The following DTNB variants were observed in gnomAD, a reference collection of about 807,000 sequenced individuals.
DTNB encodes DTN-B.
In DTNB, 63 loss-of-function variants were observed where a neutral mutation model predicts 90.7. That is an observed-to-expected ratio of 0.69 (90% CI 0.57 to 0.86). The LOEUF is 0.86. Ranked by LOEUF, DTNB falls within the 40% of genes least tolerant of loss-of-function variation. The pLI, the probability that DTNB is intolerant of heterozygous loss-of-function variation, is 0.00. For synonymous variants in DTNB, 277 were observed against 286.7 expected (o/e 0.97, Z 0.34); for missense variants, 744 against 807.1 (o/e 0.92, Z 0.95).
intron 16 of DTNB, among the ~76,000 whole-genome samples, chr2:25,401,143 A>G (rs2149646674): frequency 6.6e-6 from 1 of 152,232 alleles, no homozygotes; most frequent in South Asian, 2.1e-4. Flanking sequence ...GGGTCTGCTA[A>G]TTGCCTCAAA....
intron 8 of DTNB, among the ~76,000 whole-genome samples, chr2:25,538,528 T>C (rs2080372768): frequency 6.6e-6 from 1 of 152,214 alleles, no homozygotes; most frequent in African/African-American, 2.4e-5. Flanking sequence ...CTCGGCTCAC[T>C]GCATCCTCTG....
chr2:25,598,897 G>A (rs1470191985), intron 5 of DTNB: 2 of 152,054 alleles, frequency 1.3e-5, no homozygotes, highest in African/African-American at 2.4e-5. Flanking sequence ...AATAGGAAGA[G>A]TATTTCTGTT....
At chr2:25,516,472 C>T (rs1193830011) in intron 9 of DTNB, among the ~76,000 whole-genome samples, 3 of 151,928 alleles carry the variant, frequency 2.0e-5, no homozygotes, top group Non-Finnish European at 4.4e-5. Flanking sequence ...ATGTTGGTCT[C>T]GAACTCCTGG....
At chr2:25,645,688 G>A (rs2079290890) in intron 2 of DTNB, among the ~76,000 whole-genome samples, 1 of 151,950 alleles carries the variant, frequency 6.6e-6, no homozygotes, top group African/African-American at 2.4e-5. Context: ...CAATCCACCT[G>A]CCTCAGCCTC....
intron 3 of DTNB, among the ~76,000 whole-genome samples, chr2:25,629,501 A>G (rs921158578): frequency 2.0e-5 from 3 of 152,224 alleles, no homozygotes; most frequent in African/African-American, 7.2e-5. Flanking sequence ...CAATTTTTTA[A>G]ATAACCAAAT....
At chr2:25,597,468 GAATTT>G (rs565135990) in intron 5 of DTNB, among the ~76,000 whole-genome samples, 5 of 152,110 alleles carry the variant, frequency 3.3e-5, no homozygotes, top group Non-Finnish European at 7.4e-5. Context: ...CAATTTTGGG[GAATTT>G]ATACTGAAGC....
chr2:25,639,050 C>A lies in DTNB; in HGVS notation c.112G>T (p.Ala38Ser), dbSNP rs1404901488. 1 of 1,593,856 alleles carries A rather than the reference C, an allele frequency of 6.3e-7. No individual in the cohort carries two copies. Among genetic ancestry groups the A allele is most frequent in the Non-Finnish European group, 8.6e-7 (1 of 1,167,784 alleles). ...TTTTGTACAAATCGTAATTTGCAGG[C>A]TGTTCTGTAAGTTGATAGTCGTATG... Reference protein sequence around the residue: ...DVIRLSTYRTACKLRFVQKRC... With the variant: ...DVIRLSTYRTSCKLRFVQKRC... The change falls in exon 3 of 21, where the codon GCC (alanine) becomes TCC (serine). Residue 38 changes from alanine to serine, a missense_variant. Physicochemically the swap from Ala to Ser is moderately conservative, Grantham distance 99. Transcript: ENST00000406818.
At chr2:25,582,083 A>G (rs2061633363) in intron 6 of DTNB, among the ~76,000 whole-genome samples, 1 of 152,254 alleles carries the variant, frequency 6.6e-6, no homozygotes, top group South Asian at 2.1e-4. Flanking sequence ...AAATGTTTAA[A>G]TCATTTATTT....
chr2:25,383,769 G>T (rs1390426392), intron 19 of DTNB, 67 bp downstream of exon 19: 1 of 1,613,410 alleles, frequency 6.2e-7, no homozygotes, highest in South Asian at 1.1e-5. Flanking sequence ...GAAACAAAGT[G>T]GGGGGCGGCT....
chr2:25,462,994 C>T (rs185338886), intron 10 of DTNB, among the ~76,000 whole-genome samples: 19 of 152,294 alleles, frequency 1.2e-4, no homozygotes, highest in South Asian at 2.1e-4. Context: ...TGAGCCACCG[C>T]GCCCGGCCTA....
rs1173011668 is a variant in DTNB at position 25,390,919 on chromosome 2, C to CG, written c.1576-2559dup. 6.3e-5 allele frequency among the ~76,000 whole-genome samples: 8 copies of CG among 126,956 alleles called. No homozygotes were observed. In the East Asian group the frequency reaches 1.9e-3, roughly 30 times the overall value. 83.3% of individuals were successfully genotyped at this position (126,956 alleles called of 152,430 possible). ...ACTTTTTTTTTTTTTTTTTTTGAGA[C>CG]GGAGTCTTGCTCTGTTGCCCAGGCT... On this transcript the variant is annotated intron_variant, in intron 16 of 20. Coordinates refer to ENST00000406818, the MANE Select transcript of DTNB (RefSeq NM_021907.5).
chr2:25,628,477 T>C (rs1573662425), intron 3 of DTNB, 93 bp from the exon 4 acceptor site: 1 of 1,212,710 alleles, frequency 8.2e-7, no homozygotes, highest in East Asian at 2.5e-5. Context: ...AGTTCTTAAG[T>C]TTAAAGAGAA....
intron 6 of DTNB, 41 bp from the exon 7 acceptor site, chr2:25,580,867 G>C: frequency 6.5e-7 from 1 of 1,546,234 alleles, no homozygotes; most frequent in Non-Finnish European, 8.8e-7. Flanking sequence ...AAGTTTTTTA[G>C]GAATCTCCAA....
intron 13 of DTNB, 30 bp downstream of exon 13, chr2:25,433,880 T>C (rs781362624): frequency 6.2e-7 from 1 of 1,611,114 alleles, no homozygotes; most frequent in Non-Finnish European, 8.5e-7. Flanking sequence ...TCCTGGACTC[T>C]GGAAGTGGGC....
chr2:25,621,055 C>T (rs2148652393), intron 4 of DTNB, among the ~76,000 whole-genome samples: 1 of 152,156 alleles, frequency 6.6e-6, no homozygotes, highest in African/African-American at 2.4e-5. Context: ...AAATGTGCTA[C>T]AACGGTGGAA....
rs1211358412 is a variant in DTNB, at chr2:25,419,899, A to ATCG, written c.1555-365_1555-364insCGA. Among the ~76,000 whole-genome samples, 212 of 152,354 alleles carry ATCG rather than the reference A, an allele frequency of 1.4e-3. 1 individual carries two copies. Among genetic ancestry groups the ATCG allele is most frequent in the Admixed American group, 2.6e-3 (40 of 15,304 alleles). On this transcript the variant is annotated intron_variant, in intron 15 of 20. Transcript: ENST00000406818. ...AAGAGGAAGTGCAACCATGACTTGA[A>ATCG]ATTGTAATAATAATTCTATATTCAT...
At chr2:25,655,260 G>A (rs150496782) in intron 1 of DTNB, among the ~76,000 whole-genome samples, 119 of 152,294 alleles carry the variant, frequency 7.8e-4, no homozygotes, top group Non-Finnish European at 9.3e-4. Flanking sequence ...ACTACAAGAG[G>A]GCGGTCTCCC....
Position 25,387,055 on chromosome 2 carries a change from C to G in DTNB, c.1825+234G>C. 1 of 491,380 alleles carries G rather than the reference C, an allele frequency of 2.0e-6. No individual in the cohort carries two copies. Among genetic ancestry groups the G allele is most frequent in the Non-Finnish European group, 3.7e-6 (1 of 269,458 alleles). The allele number at this position is 491,380 out of a possible 1,614,324, so 30.4% of individuals were successfully genotyped here. ...TGAATTTCTCTACATTCAGCTTGCT[C>G]CACAAGATGCACTCCTGAGATAGGC... is the stretch of plus-strand genomic sequence containing the variant. On this transcript the variant is annotated intron_variant, in intron 18 of 20. Coordinates refer to ENST00000406818, the MANE Select transcript of DTNB (RefSeq NM_021907.5). The surrounding 1 kb of genome is among the most constrained non-coding windows in gnomAD (Gnocchi z 4.5).
intron 2 of DTNB, among the ~76,000 whole-genome samples, chr2:25,646,299 A>T (rs2079430902): frequency 6.6e-6 from 1 of 152,020 alleles, no homozygotes; most frequent in Non-Finnish European, 1.5e-5. Flanking sequence ...AACATGGTGA[A>T]ACCCCATCTC....
Sources: allele counts gnomAD v4.1 joint callset (sites outside exome capture counted in the v4.1 genomes callset), GRCh38; gene constraint gnomAD v4.1.1; non-coding constraint Gnocchi (gnomAD v3.1); transcripts MANE v1.5; gene names NCBI Gene and HGNC (gene_info 2026-07-23, HGNC 2026-07-21).